Variants in TMEM41B observed in about 807,000 individuals in gnomAD.
The protein encoded by TMEM41B is protein stasimon.
TMEM41B carries 18 observed loss-of-function variants against 31.9 expected under a neutral mutation model. The observed-to-expected ratio is 0.56, with a 90% CI of 0.39 to 0.84. The LOEUF (loss-of-function observed/expected upper bound fraction) is 0.84, where lower values mean the gene tolerates loss of function less well. Ranked by LOEUF, TMEM41B falls within the 40% of genes least tolerant of loss-of-function variation. The pLI, the probability that TMEM41B is intolerant of heterozygous loss-of-function variation, is 0.00. For synonymous variants in TMEM41B, 144 were observed against 124.3 expected (o/e 1.16, Z -1.05); for missense variants, 322 against 348.0 (o/e 0.93, Z 0.59).
At chr11:9,292,416 AAAGT>A (rs1246266286) in intron 3 of TMEM41B, among the ~76,000 whole-genome samples, 2 of 152,148 alleles carry the variant, frequency 1.3e-5, no homozygotes, top group African/African-American at 2.4e-5. Flanking sequence ...TATGAAACAT[AAAGT>A]AAATGTATAA....
intron 1 of TMEM41B, 141 bp downstream of exon 1, chr11:9,314,180 C>G (rs911624048): frequency 8.7e-7 from 1 of 1,144,846 alleles, no homozygotes. Flanking sequence ...GCCCAACTCC[C>G]CCACGGTCTC....
At chr11:9,296,949 T>C (rs887351882) in intron 2 of TMEM41B, among the ~76,000 whole-genome samples, 1 of 151,068 alleles carries the variant, frequency 6.6e-6, no homozygotes, top group African/African-American at 2.4e-5. Flanking sequence ...CAGGCTCCCA[T>C]GCTCTGTCAC....
rs552282132 is a variant in TMEM41B, at chr11:9,283,295, T to C, written c.*129A>G. ...TCACTTAAATGTATTACTTTAACTATCTGATAGGAAATTTTATTTTACAAA... is the reference window on the plus strand; with the variant it reads ...TCACTTAAATGTATTACTTTAACTACCTGATAGGAAATTTTATTTTACAAA... On this transcript the variant is annotated 3_prime_UTR_variant, in exon 7 of 7. Coordinates refer to ENST00000528080, the MANE Select transcript of TMEM41B (RefSeq NM_015012.4). 4.8e-5 allele frequency: 35 copies of C among 733,278 alleles called. No homozygotes were observed. The highest frequency in any genetic ancestry group is 4.7e-4 in the African/African-American group (26 of 55,622). The allele number at this position is 733,278 out of a possible 1,614,324, so 45.4% of individuals were successfully genotyped here.
In TMEM41B at chr11:9,295,352, A is replaced by G. The variant is rs1196293257; in HGVS notation, c.275T>C (p.Met92Thr). Residue 92 changes from methionine (M) to threonine (T), a missense_variant, in exon 3 of 7, where the codon ATG becomes ACG. Coordinates refer to ENST00000528080, the MANE Select transcript of TMEM41B (RefSeq NM_015012.4). ...ERVNMKVPRD[M>T]DDAKALGKVL... ...TTTTCCTAGAGCCTTGGCATCATCC[A>G]TATCTCTGGGAACCTTCATATTCAC... 1.3e-6 allele frequency: 2 copies of G among 1,597,424 alleles called. No individual in the cohort carries two copies. The highest frequency in any genetic ancestry group is 1.7e-6 in the Non-Finnish European group (2 of 1,172,120).
chr11:9,311,166 G>T, intron 1 of TMEM41B: 1 of 1,205,896 alleles, frequency 8.3e-7, no homozygotes, highest in Non-Finnish European at 1.1e-6. Flanking sequence ...AGCTCAGGCG[G>T]GGGTAGGGTG....
intron 1 of TMEM41B, among the ~76,000 whole-genome samples, chr11:9,306,648 C>T (rs1165240684): frequency 2.0e-5 from 3 of 151,900 alleles, no homozygotes; most frequent in Non-Finnish European, 2.9e-5. Context: ...ATGGCGCCAC[C>T]GCACTCTAGC....
intron 2 of TMEM41B, among the ~76,000 whole-genome samples, chr11:9,297,407 T>G (rs559787364): frequency 8.5e-5 from 13 of 152,272 alleles, no homozygotes; most frequent in African/African-American, 3.1e-4. Context: ...TCAAAATTTT[T>G]TATAGGCTGG....
chr11:9,295,758 T>A (rs939124897), intron 2 of TMEM41B, among the ~76,000 whole-genome samples: 2 of 152,166 alleles, frequency 1.3e-5, no homozygotes, highest in African/African-American at 2.4e-5. Flanking sequence ...GGTCTCAAAC[T>A]CCTGTGCTCA....
chr11:9,287,992 A>G, intron 4 of TMEM41B, 186 bp from the exon 5 acceptor site: 1 of 575,028 alleles, frequency 1.7e-6, no homozygotes, highest in Non-Finnish European at 3.0e-6. Flanking sequence ...AAATGAGATC[A>G]GCTAAAACAA....
intron 4 of TMEM41B, 109 bp downstream of exon 4, chr11:9,288,333 T>C: frequency 1.4e-6 from 1 of 739,828 alleles, no homozygotes; most frequent in Non-Finnish European, 2.1e-6. Context: ...TTAACTCCTC[T>C]TCAATTAATG....
At chr11:9,299,948 C>T (rs1036152926) in intron 1 of TMEM41B, among the ~76,000 whole-genome samples, 1 of 152,002 alleles carries the variant, frequency 6.6e-6, no homozygotes, top group South Asian at 2.1e-4. Context: ...GGAGAAACTC[C>T]GTCTCTACTA....
At chr11:9,299,054 GTGGAT>G (rs1853172339) in intron 2 of TMEM41B, among the ~76,000 whole-genome samples, 1 of 151,840 alleles carries the variant, frequency 6.6e-6, no homozygotes, top group Non-Finnish European at 1.5e-5. Context: ...GCCGAGGCAG[GTGGAT>G]CACCTGAGGT....
At chr11:9,311,249 A>C in intron 1 of TMEM41B, 1 of 1,495,436 alleles carries the variant, frequency 6.7e-7, no homozygotes, top group Non-Finnish European at 9.1e-7. Flanking sequence ...AGAACTGGTG[A>C]GACTTGAGGG....
At chr11:9,298,516 G>A (rs1177312056) in intron 2 of TMEM41B, among the ~76,000 whole-genome samples, 1 of 150,812 alleles carries the variant, frequency 6.6e-6, no homozygotes, top group Non-Finnish European at 1.5e-5. Context: ...TGTAATCCTA[G>A]TACTTTGGGA....
At chr11:9,306,678 T>A (rs1400586691) in intron 1 of TMEM41B, among the ~76,000 whole-genome samples, 1 of 148,388 alleles carries the variant, frequency 6.7e-6, no homozygotes, top group African/African-American at 2.4e-5. Context: ...AGAGCGAGAC[T>A]CCGTCTCAAA....
chr11:9,293,707 G>A (rs559984197), intron 3 of TMEM41B, among the ~76,000 whole-genome samples: 2 of 152,074 alleles, frequency 1.3e-5, no homozygotes, highest in Non-Finnish European at 2.9e-5. Flanking sequence ...TCAGCCTCCT[G>A]AGTAGTTGGG....
chr11:9,285,482 T>C (rs1341463635), intron 6 of TMEM41B, among the ~76,000 whole-genome samples: 1 of 152,134 alleles, frequency 6.6e-6, no homozygotes, highest in Non-Finnish European at 1.5e-5. Context: ...AGGTATTCAA[T>C]ATGTAAGAAA....
At chr11:9,306,383 T>C (rs1853396330) in intron 1 of TMEM41B, among the ~76,000 whole-genome samples, 1 of 152,060 alleles carries the variant, frequency 6.6e-6, no homozygotes, top group Non-Finnish European at 1.5e-5. Context: ...AAAGGTACTG[T>C]TATAGAAAGC....
intron 1 of TMEM41B, among the ~76,000 whole-genome samples, chr11:9,309,836 G>A (rs1435876135): frequency 6.7e-6 from 1 of 150,230 alleles, no homozygotes; most frequent in African/African-American, 2.4e-5. Context: ...GCAGGAGAAT[G>A]GCGTGAACCC....
Sources: gnomAD v4.1 joint callset for allele counts (sites outside exome capture counted in the v4.1 genomes callset) on GRCh38, gnomAD v4.1.1 for gene constraint, MANE v1.5 for transcripts, NCBI Gene and HGNC (gene_info 2026-07-23, HGNC 2026-07-21) for gene names.